Variants in DPPA2 observed in about 807,000 individuals in gnomAD.
The protein encoded by DPPA2 is developmental pluripotency-associated protein 2.
In DPPA2, 26 loss-of-function variants were observed where a neutral mutation model predicts 36.2. The ratio of observed to expected loss-of-function variants is 0.72; its 90% CI spans 0.53 to 1.00. DPPA2 has a LOEUF of 1.00. DPPA2 is among the 50% of genes least tolerant of loss of function. The pLI, the probability that DPPA2 is intolerant of heterozygous loss-of-function variation, is 0.00. For missense variants in DPPA2, 361 were observed against 365.1 expected, an observed-to-expected ratio of 0.99 and a Z score of 0.09; for synonymous variants, 113 against 123.2, an observed-to-expected ratio of 0.92 and a Z score of 0.55.
chr3:109,311,329 T>C (rs191939784), intron 3 of DPPA2, among the ~76,000 whole-genome samples: 28 of 152,330 alleles, frequency 1.8e-4, no homozygotes, highest in Admixed American at 1.7e-3. Context: ...TCTGTCAGCC[T>C]GAATCATTTT....
At chr3:109,312,290 C>T (rs550157126) in intron 3 of DPPA2, among the ~76,000 whole-genome samples, 4 of 152,228 alleles carry the variant, frequency 2.6e-5, no homozygotes, top group South Asian at 4.1e-4. Flanking sequence ...GCCAAGACTG[C>T]GCCACTGCAC....
intron 7 of DPPA2, among the ~76,000 whole-genome samples, chr3:109,303,032 C>T (rs1217297120): frequency 6.6e-6 from 1 of 152,166 alleles, no homozygotes; most frequent in Non-Finnish European, 1.5e-5. Flanking sequence ...ACTCCCCAAA[C>T]TCATTTCTCA....
chr3:109,313,058 C>T (rs1707736960), intron 2 of DPPA2, among the ~76,000 whole-genome samples: 1 of 152,176 alleles, frequency 6.6e-6, no homozygotes. Flanking sequence ...TCTTCTATCA[C>T]ATGATTCCCA....
chr3:109,307,028 G>A (rs1707579429), intron 6 of DPPA2, among the ~76,000 whole-genome samples: 2 of 151,578 alleles, frequency 1.3e-5, no homozygotes, highest in Admixed American at 1.3e-4. Context: ...GAGTGCCATG[G>A]CACAATCTCA....
At chr3:109,304,324 G>C (rs1181658968) in intron 7 of DPPA2, 151 bp downstream of exon 7, 1 of 728,592 alleles carries the variant, frequency 1.4e-6, no homozygotes, top group African/African-American at 1.8e-5. Context: ...TCACTAGTGA[G>C]TTCTTCTTGC....
chr3:109,298,195 C>T (rs944229396), intron 8 of DPPA2, among the ~76,000 whole-genome samples: 2 of 152,186 alleles, frequency 1.3e-5, no homozygotes, highest in Non-Finnish European at 2.9e-5. Context: ...CTGTATGACA[C>T]TATGTTGGAT....
intron 7 of DPPA2, among the ~76,000 whole-genome samples, chr3:109,302,955 A>G (rs137878097): frequency 6.6e-5 from 10 of 152,256 alleles, no homozygotes; most frequent in African/African-American, 2.2e-4. Flanking sequence ...CCATGTCCCA[A>G]AAGTTACTGG....
Position 109,311,516 on chromosome 3 carries a change from G to A in DPPA2, c.181+1029C>T, listed in dbSNP as rs1280142089. ...GCACTTTGGGAGGCCAAGGTGGGTGGATCACCTGAGGTCAGAAGTTTGAGA... is the reference window on the plus strand; with the variant it reads ...GCACTTTGGGAGGCCAAGGTGGGTGAATCACCTGAGGTCAGAAGTTTGAGA... On this transcript the variant is annotated intron_variant, in intron 3 of 8. Coordinates refer to ENST00000478945, the MANE Select transcript of DPPA2 (RefSeq NM_138815.4). 2.0e-5 allele frequency among the ~76,000 whole-genome samples: 3 copies of A among 152,136 alleles called. No homozygotes were observed. In the East Asian group the frequency reaches 5.8e-4, roughly 29 times the overall value.
Position 109,314,611 on chromosome 3 carries a change from T to C in DPPA2, c.-13-56A>G, listed in dbSNP as rs1228511222. On this transcript the variant is annotated intron_variant, in intron 1 of 8. Coordinates refer to ENST00000478945, the MANE Select transcript of DPPA2 (RefSeq NM_138815.4). The stretch of plus-strand genomic sequence containing the variant: ...ATATGGTAGTTTACTTCTCTTAACC[T>C]GCTTTCTCCTTTTATAAGCAAATGT... The C allele has an allele frequency of 5.4e-6, 8 of 1,494,868 alleles. 1 individual carries two copies. The Middle Eastern group carries it at 7.1e-4, about 132-fold the overall frequency. 92.6% of individuals were successfully genotyped at this position (1,494,868 alleles called of 1,614,324 possible).
intron 1 of DPPA2, among the ~76,000 whole-genome samples, chr3:109,315,856 T>G (rs1407487730): frequency 6.6e-6 from 1 of 151,942 alleles, no homozygotes; most frequent in East Asian, 1.9e-4. Context: ...TAGTGAGACC[T>G]CATCTCTATG....
intron 8 of DPPA2, among the ~76,000 whole-genome samples, chr3:109,300,095 G>A (rs554588975): frequency 6.6e-6 from 1 of 152,276 alleles, no homozygotes; most frequent in South Asian, 2.1e-4. Context: ...ATTGTATTCT[G>A]TGCAGCTAAC....
chr3:109,310,664 C>T (rs190207564), intron 3 of DPPA2, among the ~76,000 whole-genome samples: 3 of 151,688 alleles, frequency 2.0e-5, no homozygotes, highest in South Asian at 2.1e-4. Flanking sequence ...CGCCACCATG[C>T]CCAGCTAATT....
chr3:109,298,073 T>C (rs931026053), intron 8 of DPPA2, among the ~76,000 whole-genome samples: 1 of 152,114 alleles, frequency 6.6e-6, no homozygotes, highest in Non-Finnish European at 1.5e-5. Context: ...ACTGCACCAT[T>C]GCACTCCAGC....
At chr3:109,310,175 C>G (rs372873537) in intron 3 of DPPA2, among the ~76,000 whole-genome samples, 4 of 149,828 alleles carry the variant, frequency 2.7e-5, no homozygotes, top group African/African-American at 9.9e-5. Context: ...TTGTGGTGAG[C>G]CAAGATCGCG....
Position 109,310,730 on chromosome 3 carries a change from G to T in DPPA2, c.182-1400C>A, listed in dbSNP as rs189947284. ...TATGTTGGCCAGGCTGGTCTCGAAC[G>T]CCTGACCTTGTGATCTGCCCTCCTT... On this transcript the variant is annotated intron_variant, in intron 3 of 8. Transcript: ENST00000478945. Among the ~76,000 whole-genome samples the T allele has an allele frequency of 1.8e-4, 27 of 151,634 alleles. No homozygotes were observed. The East Asian group carries it at 5.3e-3, about 30-fold the overall frequency.
intron 7 of DPPA2, among the ~76,000 whole-genome samples, chr3:109,300,990 T>TC: frequency 6.6e-6 from 1 of 151,198 alleles, no homozygotes; most frequent in East Asian, 1.9e-4. Flanking sequence ...CACATCTTTT[T>TC]TTTTTTTTTT....
Position 109,314,567 on chromosome 3 carries a change from A to G in DPPA2, c.-13-12T>C. The G allele has an allele frequency of 6.2e-7, 1 of 1,607,754 alleles. No individual in the cohort carries two copies. Among genetic ancestry groups the G allele is most frequent in the Non-Finnish European group, 8.5e-7 (1 of 1,175,684 alleles). ...TTTTCAGCAACACCCTGGGGAAGGC[A>G]AGGACAGCAATGTTAAGGATATGGT... On this transcript the variant is annotated splice_polypyrimidine_tract_variant and intron_variant, in intron 1 of 8. Transcript: ENST00000478945.
intron 8 of DPPA2, among the ~76,000 whole-genome samples, chr3:109,296,142 A>C (rs1224186296): frequency 6.6e-6 from 1 of 152,238 alleles, no homozygotes; most frequent in African/African-American, 2.4e-5. Context: ...AAAATATCCC[A>C]AAATTAATGA....
chr3:109,304,019 C>T (rs1418736990), intron 7 of DPPA2, among the ~76,000 whole-genome samples: 1 of 151,832 alleles, frequency 6.6e-6, no homozygotes, highest in African/African-American at 2.4e-5. Flanking sequence ...CACCTGTTAT[C>T]CCAGCACTTT....
Sources: allele counts gnomAD v4.1 joint callset (sites outside exome capture counted in the v4.1 genomes callset), GRCh38; gene constraint gnomAD v4.1.1; transcripts MANE v1.5; gene names NCBI Gene and HGNC (gene_info 2026-07-23, HGNC 2026-07-21).